Variants in ATP8A1 observed in about 807,000 individuals in gnomAD.
The protein encoded by ATP8A1 is phospholipid-transporting ATPase IA.
In ATP8A1, 90 loss-of-function variants were observed where a neutral mutation model predicts 177.7. That is an observed-to-expected ratio of 0.51 (90% confidence interval 0.43 to 0.60). The LOEUF (loss-of-function observed/expected upper bound fraction) is 0.60. Ranked by LOEUF, ATP8A1 falls within the 20% of genes least tolerant of loss-of-function variation. The pLI, the probability that ATP8A1 is intolerant of heterozygous loss-of-function variation, is 0.00. For missense variants in ATP8A1, 1,072 were observed against 1,392.8 expected, an observed-to-expected ratio of 0.77 and a Z score of 3.67; for synonymous variants, 493 against 485.9, an observed-to-expected ratio of 1.01 and a Z score of -0.19.
chr4:42,569,077 AAG>A (rs1731645817), intron 15 of ATP8A1, 82 bp downstream of exon 15: 4 of 705,296 alleles, frequency 5.7e-6, no homozygotes, highest in South Asian at 4.1e-5. Flanking sequence ...ATTTATATAA[AAG>A]AGAGTGAAAT....
chr4:42,480,022 G>GTGTGTGTGTT (rs1721507059), intron 25 of ATP8A1, among the ~76,000 whole-genome samples: 2 of 151,632 alleles, frequency 1.3e-5, no homozygotes, highest in Non-Finnish European at 1.5e-5. Flanking sequence ...GTGTGTGTGT[G>GTGTGTGTGTT]TGTGTGTGTA....
At chr4:42,424,341 AT>A (rs1484010302) in intron 33 of ATP8A1, among the ~76,000 whole-genome samples, 2 of 152,098 alleles carry the variant, frequency 1.3e-5, no homozygotes, top group African/African-American at 4.8e-5. Flanking sequence ...ATAATAAAAA[AT>A]ATCTTTGTAA....
chr4:42,618,395 T>C (rs1054312799), intron 4 of ATP8A1, among the ~76,000 whole-genome samples: 7 of 152,222 alleles, frequency 4.6e-5, no homozygotes, highest in African/African-American at 1.7e-4. Flanking sequence ...AACTCTCATC[T>C]GAGCTCCACG....
At chr4:42,426,299 C>T (rs1489704491) in intron 33 of ATP8A1, among the ~76,000 whole-genome samples, 1 of 152,170 alleles carries the variant, frequency 6.6e-6, no homozygotes, top group Non-Finnish European at 1.5e-5. Context: ...AGTGTGCCAC[C>T]TGCCTACAAA....
At chr4:42,555,122 T>TA (rs552100295) in intron 16 of ATP8A1, among the ~76,000 whole-genome samples, 46 of 93,650 alleles carry the variant, frequency 4.9e-4, no homozygotes, top group Admixed American at 1.9e-3. Context: ...TCTATCTATC[T>TA]ATCTATCTAT....
chr4:42,449,003 T>C (rs1357546902), intron 30 of ATP8A1, among the ~76,000 whole-genome samples: 1 of 151,878 alleles, frequency 6.6e-6, no homozygotes, highest in African/African-American at 2.4e-5. Context: ...ACCTGGCTAA[T>C]TTTTGTATTC....
At chr4:42,444,659 T>G (rs779089543) in intron 31 of ATP8A1, 25 bp from the exon 32 acceptor site, 35 of 1,606,302 alleles carry the variant, frequency 2.2e-5, no homozygotes, top group Non-Finnish European at 2.8e-5. Context: ...GAAAATGTTA[T>G]TTTACCTCAT....
chr4:42,620,671 C>T (rs1254864445), intron 4 of ATP8A1, among the ~76,000 whole-genome samples: 1 of 152,156 alleles, frequency 6.6e-6, no homozygotes, highest in Non-Finnish European at 1.5e-5. Context: ...TTACCGTACC[C>T]CTCCTGCCTC....
chr4:42,414,728 A>G lies in ATP8A1; in HGVS notation c.3306-10T>C. On this transcript the variant is annotated splice_polypyrimidine_tract_variant and intron_variant, in intron 35 of 36. Coordinates refer to ENST00000381668, the MANE Select transcript of ATP8A1 (RefSeq NM_006095.2). ...CGCCCTCTCGGTCAGGCTGCAGAGC[A>G]GGTGCAAATGTGTGAAATGAATTAT... 2 of 1,611,228 alleles carry G rather than the reference A, an allele frequency of 1.2e-6. No individual in the cohort carries two copies. Among genetic ancestry groups the G allele is most frequent in the Non-Finnish European group, 1.7e-6 (2 of 1,177,374 alleles).
At chr4:42,430,534 C>G (rs938026029) in intron 33 of ATP8A1, among the ~76,000 whole-genome samples, 1 of 150,486 alleles carries the variant, frequency 6.6e-6, no homozygotes, top group Non-Finnish European at 1.5e-5. Flanking sequence ...AGGTTTGTTA[C>G]ATAGGTAAAC....
At chr4:42,653,097 C>G (rs1741271102) in intron 1 of ATP8A1, among the ~76,000 whole-genome samples, 1 of 152,144 alleles carries the variant, frequency 6.6e-6, no homozygotes, top group South Asian at 2.1e-4. Context: ...TATTCTTCCC[C>G]TCACCGTTCC....
chr4:42,453,873 A>G (rs1718201460), intron 29 of ATP8A1, among the ~76,000 whole-genome samples: 1 of 152,200 alleles, frequency 6.6e-6, no homozygotes, highest in Non-Finnish European at 1.5e-5. Context: ...CAGAGGCCAT[A>G]GTCTGATTGT....
chr4:42,512,344 C>T (rs1021206953), intron 22 of ATP8A1, among the ~76,000 whole-genome samples: 7 of 152,176 alleles, frequency 4.6e-5, no homozygotes, highest in Admixed American at 4.6e-4. Context: ...AGGGTTTCAG[C>T]CTCAGGCCTG....
chr4:42,656,895 G>A lies in ATP8A1; in HGVS notation c.-22C>T, dbSNP rs766676803. The A allele has an allele frequency of 6.4e-6, 10 of 1,571,734 alleles. No individual in the cohort carries two copies. The Admixed American group carries it at 1.6e-4, about 25-fold the overall frequency. On this transcript the variant is annotated 5_prime_UTR_variant, in exon 1 of 37. Coordinates refer to ENST00000381668, the MANE Select transcript of ATP8A1 (RefSeq NM_006095.2). ...GCATCGCGGCGGCGGCTGCAGGTGG[G>A]TCCTCAGCCCGGACTCTGCACCTGT...
intron 27 of ATP8A1, among the ~76,000 whole-genome samples, chr4:42,457,398 T>C (rs889850803): frequency 7.2e-5 from 11 of 152,194 alleles, no homozygotes; most frequent in African/African-American, 2.7e-4. Flanking sequence ...CTGTGATCTA[T>C]TGTAGTAATT....
intron 15 of ATP8A1, among the ~76,000 whole-genome samples, chr4:42,565,860 T>C (rs534438236): frequency 6.6e-5 from 10 of 152,196 alleles, no homozygotes; most frequent in Admixed American, 4.6e-4. Flanking sequence ...TAGGGCTACA[T>C]TGATGTTAAG....
chr4:42,518,991 T>G (rs1453149504), intron 22 of ATP8A1, among the ~76,000 whole-genome samples: 1 of 152,218 alleles, frequency 6.6e-6, no homozygotes, highest in Non-Finnish European at 1.5e-5. Context: ...ACCCTGGCTC[T>G]CTATATTAAA....
intron 18 of ATP8A1, among the ~76,000 whole-genome samples, chr4:42,550,826 T>C (rs989885738): frequency 6.6e-6 from 1 of 152,186 alleles, no homozygotes; most frequent in Non-Finnish European, 1.5e-5. Context: ...TTGTGAAATG[T>C]TGGCTCAAGT....
At chr4:42,470,354 C>G (rs933905946) in intron 25 of ATP8A1, among the ~76,000 whole-genome samples, 1 of 152,170 alleles carries the variant, frequency 6.6e-6, no homozygotes, top group Non-Finnish European at 1.5e-5. Context: ...GAAATTTTTA[C>G]CATTTAAGCT....
Sources: allele counts gnomAD v4.1 joint callset (sites outside exome capture counted in the v4.1 genomes callset), GRCh38; gene constraint gnomAD v4.1.1; transcripts MANE v1.5; gene names NCBI Gene and HGNC (gene_info 2026-07-23, HGNC 2026-07-21).